Variants in OCA2 observed in about 807,000 individuals in gnomAD.
OCA2 encodes the protein OCA2 melanosomal transmembrane protein, also known as P protein.
A neutral mutation model predicts 100.2 loss-of-function variants in OCA2; 77 were observed. The observed-to-expected ratio is 0.77, with a 90% CI of 0.64 to 0.93. The LOEUF (loss-of-function observed/expected upper bound fraction) is 0.93. OCA2 is among the 40% of genes least tolerant of loss of function. The pLI is 0.00. For synonymous variants in OCA2, 432 were observed against 439.2 expected, an observed-to-expected ratio of 0.98 and a Z score of 0.21; for missense variants, 1,062 against 1,089.1, an observed-to-expected ratio of 0.98 and a Z score of 0.35.
At chr15:27,741,904 C>T in the OCA2 span, among the ~76,000 whole-genome samples, 3 of 152,236 alleles carry the variant, frequency 2.0e-5, no homozygotes, top group Non-Finnish European at 4.4e-5. Flanking sequence ...TAACATTACT[C>T]ATCCTGCAAA....
chr15:28,014,182 C>T (rs1264412576), intron 9 of OCA2, among the ~76,000 whole-genome samples: 1 of 152,130 alleles, frequency 6.6e-6, no homozygotes, highest in African/African-American at 2.4e-5. Flanking sequence ...CAACAACGGA[C>T]CTGCCCAGCC....
chr15:27,908,365 A>G (rs1457502385), intron 19 of OCA2, among the ~76,000 whole-genome samples: 1 of 151,876 alleles, frequency 6.6e-6, no homozygotes, highest in African/African-American at 2.4e-5. Context: ...GAAAGTAGGA[A>G]TTGGTGGATA....
At chr15:27,864,612 C>T (rs1213006264) in intron 21 of OCA2, among the ~76,000 whole-genome samples, 3 of 152,012 alleles carry the variant, frequency 2.0e-5, no homozygotes, top group Non-Finnish European at 4.4e-5. Flanking sequence ...TGAGAAACTG[C>T]CTTCCACCCA....
chr15:27,732,201 A>C, the OCA2 span, among the ~76,000 whole-genome samples: 1 of 152,254 alleles, frequency 6.6e-6, no homozygotes. Flanking sequence ...ATTTGAGAAC[A>C]ATGAATTCCA....
At chr15:27,967,327 T>C (rs1191598597) in intron 14 of OCA2, among the ~76,000 whole-genome samples, 1 of 152,112 alleles carries the variant, frequency 6.6e-6, no homozygotes, top group Non-Finnish European at 1.5e-5. Context: ...TTTTGAAAAT[T>C]GTTAACGTTT....
the OCA2 span, among the ~76,000 whole-genome samples, chr15:27,739,440 CTTTTTTTT>C: frequency 8.2e-4 from 82 of 100,048 alleles, no homozygotes; most frequent in Non-Finnish European, 1.1e-3. Flanking sequence ...TAATTTCTTT[CTTTTTTTT>C]TTTTTTTTTT....
At chr15:27,861,026 A>G (rs2036110565) in intron 21 of OCA2, among the ~76,000 whole-genome samples, 1 of 152,226 alleles carries the variant, frequency 6.6e-6, no homozygotes, top group Admixed American at 6.5e-5. Context: ...TGGAAACAAA[A>G]GGAAGAATTT....
At chr15:28,051,068 C>A (rs888752732) in intron 2 of OCA2, among the ~76,000 whole-genome samples, 1 of 152,194 alleles carries the variant, frequency 6.6e-6, no homozygotes, top group Non-Finnish European at 1.5e-5. Context: ...TGGATCCTGC[C>A]TGGAGGCCTC....
At chr15:27,841,206 A>G (rs998326977) in intron 23 of OCA2, among the ~76,000 whole-genome samples, 1 of 152,244 alleles carries the variant, frequency 6.6e-6, no homozygotes, top group African/African-American at 2.4e-5. Flanking sequence ...CAGCCAATAC[A>G]AAAAGGTCAC....
At chr15:27,956,297 C>T (rs537063084) in intron 16 of OCA2, among the ~76,000 whole-genome samples, 32 of 152,232 alleles carry the variant, frequency 2.1e-4, no homozygotes, top group African/African-American at 6.7e-4. Context: ...TGCAGTGAGC[C>T]GAGATCATGC....
At chr15:28,074,727 A>C (rs1487484149) in intron 2 of OCA2, among the ~76,000 whole-genome samples, 1 of 150,982 alleles carries the variant, frequency 6.6e-6, no homozygotes, top group African/African-American at 2.4e-5. Context: ...GGCACCTATA[A>C]TCCCAGCTAC....
At chr15:28,035,323 G>A (rs545166095) in intron 2 of OCA2, among the ~76,000 whole-genome samples, 2 of 152,134 alleles carry the variant, frequency 1.3e-5, no homozygotes, top group African/African-American at 2.4e-5. Context: ...ATTTCCTAAA[G>A]AGACTTTGGG....
the OCA2 span, among the ~76,000 whole-genome samples, chr15:27,722,814 T>TCTCTC: frequency 2.2e-5 from 3 of 134,734 alleles, no homozygotes; most frequent in African/African-American, 8.6e-5. Context: ...CTCTCTCTCT[T>TCTCTC]TCTCTCTCTC....
intron 19 of OCA2, among the ~76,000 whole-genome samples, chr15:27,921,163 A>C (rs1287122454): frequency 6.6e-6 from 1 of 152,164 alleles, no homozygotes; most frequent in Non-Finnish European, 1.5e-5. Flanking sequence ...CTAGATGCAT[A>C]ATAGTCACAC....
intron 14 of OCA2, among the ~76,000 whole-genome samples, chr15:27,971,364 G>T (rs762001632): frequency 9.2e-5 from 14 of 152,146 alleles, no homozygotes; most frequent in Non-Finnish European, 1.6e-4. Context: ...AAAGATAGTT[G>T]AATAGTTTTG....
At chr15:27,753,396 G>A (rs2030141570), downstream of OCA2, among the ~76,000 whole-genome samples, 1 of 152,016 alleles carries the variant, frequency 6.6e-6, no homozygotes, top group South Asian at 2.1e-4. Context: ...CTGGGGGTAT[G>A]AGCAAGAGGG....
At chr15:28,019,317 G>A (rs948972260) in intron 6 of OCA2, among the ~76,000 whole-genome samples, 3 of 151,060 alleles carry the variant, frequency 2.0e-5, no homozygotes, top group Non-Finnish European at 3.0e-5. Context: ...AGCAGGAAGG[G>A]AGGGAGGAAG....
chr15:27,895,770 G>A (rs1562589), intron 19 of OCA2: 48 of 351,342 alleles, frequency 1.4e-4, no homozygotes, highest in African/African-American at 8.6e-4. Context: ...TTTAGAAGAC[G>A]GCAAGAGGGT....
At chr15:27,924,438 A>C (rs1330331457) in intron 19 of OCA2, among the ~76,000 whole-genome samples, 1 of 152,070 alleles carries the variant, frequency 6.6e-6, no homozygotes, top group Non-Finnish European at 1.5e-5. Flanking sequence ...TATAAAATAC[A>C]TTGCACAAAA....
Sources: gnomAD v4.1 joint callset for allele counts (sites outside exome capture counted in the v4.1 genomes callset) on GRCh38, gnomAD v4.1.1 for gene constraint, MANE v1.5 for transcripts, NCBI Gene and HGNC (gene_info 2026-07-23, HGNC 2026-07-21) for gene names.